Variants in CCAR1 observed in about 807,000 individuals in gnomAD.
CCAR1 encodes cell division cycle and apoptosis regulator 1.
In CCAR1, 78 loss-of-function variants were observed where a neutral mutation model predicts 163.8. That is an observed-to-expected ratio of 0.48 (90% CI 0.40 to 0.57). The LOEUF (loss-of-function observed/expected upper bound fraction) is 0.57, where lower values mean the gene tolerates loss of function less well. Ranked by LOEUF, CCAR1 falls within the 20% of genes least tolerant of loss-of-function variation. The pLI is 0.00. For synonymous variants in CCAR1, 443 were observed against 460.7 expected (o/e 0.96, Z 0.49); for missense variants, 1,019 against 1,365.2 (o/e 0.75, Z 4.00).
At chr10:68,758,095 C>T (rs760635153) in intron 15 of CCAR1, among the ~76,000 whole-genome samples, 3 of 152,028 alleles carry the variant, frequency 2.0e-5, no homozygotes, top group Non-Finnish European at 2.9e-5. Flanking sequence ...TGCTGTGTTT[C>T]CCAGACTGGA....
chr10:68,750,437 T>TTG (rs2056317009), intron 10 of CCAR1, among the ~76,000 whole-genome samples: 2 of 151,972 alleles, frequency 1.3e-5, no homozygotes, highest in Non-Finnish European at 2.9e-5. Flanking sequence ...GTTGGCCAGG[T>TTG]TTGTTTCGAA....
At chr10:68,734,273 G>C (rs1226103868) in intron 2 of CCAR1, among the ~76,000 whole-genome samples, 1 of 151,688 alleles carries the variant, frequency 6.6e-6, no homozygotes, top group Non-Finnish European at 1.5e-5. Context: ...TTTTTTTTCA[G>C]ATTGTTCCCA....
intron 15 of CCAR1, among the ~76,000 whole-genome samples, chr10:68,758,609 G>A (rs528475099): frequency 9.3e-6 from 1 of 108,094 alleles, no homozygotes; most frequent in Non-Finnish European, 2.0e-5. Context: ...ATATATATAC[G>A]TGTGTGTATA....
In CCAR1 at chr10:68,747,432, C is replaced by T. The variant is rs2056271151; in HGVS notation, c.692C>T (p.Ala231Val). Residue 231 changes from alanine to valine, a missense_variant, in exon 8 of 25, where the codon GCA becomes GTA. This residue lies in a region of CCAR1 where 644 missense variants were observed against 904.4 expected (regional missense o/e 0.71). Coordinates refer to ENST00000265872, the MANE Select transcript of CCAR1 (RefSeq NM_018237.4). ...KTPPAVLQPI[A>V]PQTTFGVQTQ... ...CCTCCTGCTGTACTTCAGCCAATTG[C>T]ACCACAGACAACATTTGGTGTTCAG... 6.2e-7 allele frequency: 1 copy of T among 1,614,068 alleles called. No individual in the cohort carries two copies. The highest frequency in any genetic ancestry group is 8.5e-7 in the Non-Finnish European group (1 of 1,179,970).
intron 8 of CCAR1, among the ~76,000 whole-genome samples, chr10:68,748,485 CTTTT>C (rs768641201): frequency 6.8e-5 from 8 of 117,830 alleles, no homozygotes; most frequent in African/African-American, 1.3e-4. Context: ...GTGACATGTT[CTTTT>C]TTTTTTTTTT....
chr10:68,731,972 A>G (rs1274842383), intron 2 of CCAR1, among the ~76,000 whole-genome samples: 2 of 152,154 alleles, frequency 1.3e-5, no homozygotes, highest in African/African-American at 4.8e-5. Context: ...CATCTTACCT[A>G]CTTGGTGCTG....
At chr10:68,764,437 C>T (rs1055138168) in intron 16 of CCAR1, among the ~76,000 whole-genome samples, 1 of 151,666 alleles carries the variant, frequency 6.6e-6, no homozygotes, top group Non-Finnish European at 1.5e-5. Context: ...GTCTCAGCTA[C>T]TGGGGAGGAT....
chr10:68,749,769 C>T lies in CCAR1; in HGVS notation c.1118+84C>T, dbSNP rs532645150. ...ATATGTCACAGAGGTATTTTTCTTG[C>T]AAGATTGATTTCCCGACAGTTAGTG... On this transcript the variant is annotated intron_variant, in intron 10 of 24. Coordinates refer to ENST00000265872, the MANE Select transcript of CCAR1 (RefSeq NM_018237.4). 28 of 1,212,954 alleles carry T rather than the reference C, an allele frequency of 2.3e-5. No individual in the cohort carries two copies. The East Asian group carries it at 4.9e-4, about 21-fold the overall frequency. The allele number at this position is 1,212,954 out of a possible 1,614,324, so 75.1% of individuals were successfully genotyped here.
chr10:68,777,509 C>G (rs933141139), intron 19 of CCAR1, among the ~76,000 whole-genome samples: 3 of 151,978 alleles, frequency 2.0e-5, no homozygotes, highest in Non-Finnish European at 4.4e-5. Context: ...ATGGTGAAAC[C>G]CTGTCTTTAC....
chr10:68,770,668 G>A (rs966784296), intron 17 of CCAR1, among the ~76,000 whole-genome samples: 11 of 152,122 alleles, frequency 7.2e-5, no homozygotes, highest in African/African-American at 1.2e-4. Context: ...GCTTGAACTC[G>A]GGAAGCAGAG....
At chr10:68,754,315 A>G (rs970438818) in intron 11 of CCAR1, among the ~76,000 whole-genome samples, 10 of 152,230 alleles carry the variant, frequency 6.6e-5, no homozygotes, top group African/African-American at 2.4e-4. Flanking sequence ...GTGAAGATAA[A>G]GTTGATATTA....
rs1327606271 is a variant in CCAR1, at chr10:68,722,513, A to G, written c.9A>G (p.Gln3=). 3 of 1,613,776 alleles carry G rather than the reference A, an allele frequency of 1.9e-6. No individual in the cohort carries two copies. Among genetic ancestry groups the G allele is most frequent in the Non-Finnish European group, 2.5e-6 (3 of 1,179,790 alleles). The change falls in exon 2 of 25, where the codon CAA becomes CAG. Residue 3 remains glutamine, a synonymous_variant. Transcript: ENST00000265872. MA[Q]FGGQKNPPWA... ...TTTTTTCCTTTTGCATCATGGCTCA[A>G]TTTGGAGGACAGAAGAATCCGCCAT... is the stretch of plus-strand genomic sequence containing the variant.
intron 2 of CCAR1, among the ~76,000 whole-genome samples, chr10:68,723,239 A>G (rs1320158461): frequency 1.3e-5 from 2 of 150,738 alleles, no homozygotes; most frequent in South Asian, 2.1e-4. Flanking sequence ...CTCCTGCCTC[A>G]GCCTCCTGAG....
intron 17 of CCAR1, among the ~76,000 whole-genome samples, chr10:68,766,436 C>G (rs898038189): frequency 6.6e-6 from 1 of 151,790 alleles, no homozygotes; most frequent in Admixed American, 6.6e-5. Flanking sequence ...CTCCTGACCT[C>G]AGGTGATCTG....
At chr10:68,763,308 G>T (rs1372566129) in intron 16 of CCAR1, among the ~76,000 whole-genome samples, 1 of 151,904 alleles carries the variant, frequency 6.6e-6, no homozygotes, top group East Asian at 1.9e-4. Context: ...GCACCACCAT[G>T]CCCAGCTAAT....
chr10:68,784,881 T>C (rs1170920000), intron 19 of CCAR1, among the ~76,000 whole-genome samples: 1 of 151,902 alleles, frequency 6.6e-6, no homozygotes, highest in Non-Finnish European at 1.5e-5. Flanking sequence ...GGCATAATGC[T>C]ATTATTGCAC....
Position 68,756,369 on chromosome 10 carries a change from G to C in CCAR1, c.1722G>C (p.Pro574=). The C allele has an allele frequency of 6.2e-7, 1 of 1,613,942 alleles. No individual in the cohort carries two copies. Among genetic ancestry groups the C allele is most frequent in the Non-Finnish European group, 8.5e-7 (1 of 1,179,972 alleles). The change falls in exon 14 of 25, where the codon CCG becomes CCC. Residue 574 remains proline, a synonymous_variant. Coordinates refer to ENST00000265872, the MANE Select transcript of CCAR1 (RefSeq NM_018237.4). This position sits in a 1 kb window ranked among gnomAD's most constrained non-coding sequence, Gnocchi z 5.1. The part of the protein sequence containing the change: ...AHVETVVLFF[P]DVWHCLPTRS... The stretch of plus-strand genomic sequence containing the variant: ...TGGAGACAGTGGTTTTATTTTTCCC[G>C]GATGTTTGGCATTGCCTTCCCACCC...
chr10:68,760,403 G>C (rs2056454181), intron 15 of CCAR1, among the ~76,000 whole-genome samples: 1 of 152,016 alleles, frequency 6.6e-6, no homozygotes, highest in South Asian at 2.1e-4. Flanking sequence ...CTTCTATTTA[G>C]GATGTTTCCT....
intron 5 of CCAR1, 94 bp from the exon 6 acceptor site, chr10:68,742,282 T>A (rs1018545578): frequency 4.4e-6 from 4 of 900,098 alleles, no homozygotes; most frequent in African/African-American, 3.4e-5. Context: ...TAATATGAAA[T>A]TTTTAACATT....
Sources: gnomAD v4.1 joint callset for allele counts (sites outside exome capture counted in the v4.1 genomes callset) on GRCh38, gnomAD v4.1.1 for gene constraint, gnomAD v4.1.1 regional missense constraint, Gnocchi (gnomAD v3.1) non-coding constraint, MANE v1.5 for transcripts, NCBI Gene and HGNC (gene_info 2026-07-23, HGNC 2026-07-21) for gene names.